SF1: variants seen among roughly 807,000 people sequenced by gnomAD.
The protein encoded by SF1 is splicing factor 1.
Under a neutral mutation model 62.5 loss-of-function variants are expected in SF1, and 7 were observed. The observed-to-expected ratio is 0.11, with a 90% CI of 0.06 to 0.21. SF1 has a LOEUF of 0.21. SF1 is among the 10% of genes least tolerant of loss of function. SF1 has a pLI of 1.00. For missense variants in SF1, 578 were observed against 884.0 expected (o/e 0.65, Z 4.39); for synonymous variants, 394 against 323.6 (o/e 1.22, Z -2.33).
intron 12 of SF1, 50 bp downstream of exon 12, chr11:64,766,850 G>GCCCCCCCCCC: frequency 4.0e-6 from 3 of 744,974 alleles, no homozygotes; most frequent in Admixed American, 2.6e-5. Flanking sequence ...GTTCCTGTCA[G>GCCCCCCCCCC]CCCCACCCCC....
chr11:64,765,847 C>T lies in SF1; in HGVS notation c.1891G>A (p.Ala631Thr), dbSNP rs777348826. Residue 631 changes from alanine to threonine, a missense_variant, in exon 13 of 13, where the codon GCT becomes ACT. Coordinates refer to ENST00000377390, the MANE Select transcript of SF1 (RefSeq NM_004630.4). ...AGMPPFGMPP[A>T]PPPPPPQN ...TTCTGTGGTGGAGGCGGTGGGGGAG[C>T]TGGAGGCATCCCGAAGGGCGGCATG... is the stretch of plus-strand genomic sequence containing the variant. The T allele has an allele frequency of 6.4e-7, 1 of 1,555,666 alleles. No homozygotes were observed. The highest frequency in any genetic ancestry group is 1.2e-5 in the South Asian group (1 of 84,572).
At chr11:64,766,785 A>G (rs2058704089) in intron 12 of SF1, 115 bp downstream of exon 12, 1 of 806,308 alleles carries the variant, frequency 1.2e-6, no homozygotes, top group Non-Finnish European at 1.8e-6. Flanking sequence ...TTACAACCCC[A>G]GCAGAGCCCA....
chr11:64,767,915 G>A, intron 9 of SF1, 71 bp from the exon 10 acceptor site: 1 of 1,567,796 alleles, frequency 6.4e-7, no homozygotes, highest in Non-Finnish European at 8.6e-7. Flanking sequence ...TTCGGGTTAT[G>A]ACACAGGACC....
At chr11:64,773,206 T>C in intron 3 of SF1, 1 of 1,352,210 alleles carries the variant, frequency 7.4e-7, no homozygotes, top group Non-Finnish European at 9.4e-7. Flanking sequence ...AGTTGTCCAT[T>C]TTCCTGTAAC....
At chr11:64,769,867 G>A in intron 5 of SF1, 97 bp downstream of exon 5, 1 of 964,672 alleles carries the variant, frequency 1.0e-6, no homozygotes, top group South Asian at 1.5e-5. Flanking sequence ...TACCAAAAAG[G>A]GGAAAAGTAA....
rs534700747 is a variant in SF1 at position 64,765,013 on chromosome 11, C to A, written c.*805G>T. On this transcript the variant is annotated 3_prime_UTR_variant, in exon 13 of 13. Coordinates refer to ENST00000377390, the MANE Select transcript of SF1 (RefSeq NM_004630.4). ...GGATCGCCAGGACGGATGGGAATCC[C>A]GAAACCTGGAGATGAACCTACCCTC... The A allele has an allele frequency of 6.5e-6, 1 of 153,168 alleles. No homozygotes were observed. The highest frequency in any genetic ancestry group is 1.5e-5 in the Non-Finnish European group (1 of 68,586). The allele number at this position is 153,168 out of a possible 1,614,324, so 9.5% of individuals were successfully genotyped here.
Position 64,767,853 on chromosome 11 carries a change from G to T in SF1, c.1069-9C>A. ...GTGGTAGACATGAGAGACTACGTGA[G>T]AGCATTTCCTGCCAACGTCCCTGCC... On this transcript the variant is annotated splice_polypyrimidine_tract_variant and intron_variant, in intron 9 of 12. Transcript: ENST00000377390. 1 of 1,605,192 alleles carries T rather than the reference G, an allele frequency of 6.2e-7. No homozygotes were observed. Among genetic ancestry groups the T allele is most frequent in the East Asian group, 2.2e-5 (1 of 44,784 alleles).
intron 2 of SF1, among the ~76,000 whole-genome samples, chr11:64,774,447 G>A (rs777068094): frequency 8.5e-5 from 13 of 152,168 alleles, no homozygotes; most frequent in Admixed American, 2.0e-4. Flanking sequence ...TTCAACATGC[G>A]GAATAACCAC....
intron 3 of SF1, chr11:64,770,628 T>A (rs972739655): frequency 4.6e-6 from 2 of 439,066 alleles, no homozygotes; most frequent in Admixed American, 3.8e-5. Flanking sequence ...AGGAAAAAAA[T>A]AAAAGATTTT....
chr11:64,771,981 C>T, intron 3 of SF1: 1 of 985,400 alleles, frequency 1.0e-6, no homozygotes, highest in Non-Finnish European at 1.2e-6. Flanking sequence ...TCCCACCCCA[C>T]AGCTGTCTAG....
intron 12 of SF1, 39 bp downstream of exon 12, chr11:64,766,861 A>AACCCCCCCC: frequency 6.3e-6 from 1 of 158,978 alleles, no homozygotes; most frequent in East Asian, 1.0e-4. Flanking sequence ...CCCCACCCCC[A>AACCCCCCCC]TCCCACCCAC....
intron 3 of SF1, chr11:64,771,368 T>G: frequency 1.3e-6 from 1 of 761,100 alleles, no homozygotes; most frequent in Non-Finnish European, 1.6e-6. Flanking sequence ...AGCTTGATAT[T>G]CTGAATGAAA....
Position 64,778,497 on chromosome 11 carries a change from G to T in SF1, c.-105C>A. 1 of 1,199,680 alleles carries T rather than the reference G, an allele frequency of 8.3e-7. No homozygotes were observed. 74.3% of individuals were successfully genotyped at this position (1,199,680 alleles called of 1,614,324 possible). A position where few individuals can be genotyped will look rare whatever the true frequency, so the allele number is the denominator to read the frequency against. On this transcript the variant is annotated 5_prime_UTR_variant, in exon 1 of 13. Coordinates refer to ENST00000377390, the MANE Select transcript of SF1 (RefSeq NM_004630.4). The stretch of plus-strand genomic sequence containing the variant: ...ACCCGAATGCGCTGCCGGAGCGCGC[G>T]GAGCCCGTCCTCTCACGCGGCGGGC...
At chr11:64,778,066 C>A in intron 1 of SF1, 2 of 993,022 alleles carry the variant, frequency 2.0e-6, no homozygotes, top group Non-Finnish European at 2.4e-6. Flanking sequence ...GCGACACGCG[C>A]TGGTAGAGCG....
At chr11:64,775,143 G>A (rs58411754) in intron 2 of SF1, among the ~76,000 whole-genome samples, 1,793 of 152,194 alleles carry the variant, frequency 0.012, 33 homozygotes, top group African/African-American at 0.039. Context: ...AGGGGAGAAG[G>A]TGAGTCTTCC....
In SF1 at chr11:64,767,734, G is replaced by GCCACCTCCGGGCCCACCAGGA. The variant is rs2058786107; in HGVS notation, c.1158_1178dup (p.Gly388_Pro394dup). 1 of 1,612,784 alleles carries GCCACCTCCGGGCCCACCAGGA rather than the reference G, an allele frequency of 6.2e-7. No homozygotes were observed. Among genetic ancestry groups the GCCACCTCCGGGCCCACCAGGA allele is most frequent in the Non-Finnish European group, 8.5e-7 (1 of 1,179,516 alleles). ...GTAATGGGTGTGGGAAGCTGTGGGG[G>GCCACCTCCGGGCCCACCAGGA]CCACCTCCGGGCCCACCAGGACCAC... On this transcript the variant is annotated inframe_insertion, in exon 10 of 13. Coordinates refer to ENST00000377390, the MANE Select transcript of SF1 (RefSeq NM_004630.4).
chr11:64,771,374 T>C (rs535406396), intron 3 of SF1: 6 of 802,192 alleles, frequency 7.5e-6, no homozygotes, highest in African/African-American at 5.6e-5. Context: ...ATATTCTGAA[T>C]GAAAATTTAG....
At position 64,767,103 on chromosome 11, in the gene SF1, T is replaced by TGAGG. The variant is rs758643096; in HGVS notation, c.1403-28_1403-25dup. The stretch of plus-strand genomic sequence containing the variant: ...ACCTGTGGACAGGTGGAGGCAAAGA[T>TGAGG]GAGGCCTCAGGGAAAGGCGGGGACT... On this transcript the variant is annotated intron_variant, in intron 11 of 12. Coordinates refer to ENST00000377390, the MANE Select transcript of SF1 (RefSeq NM_004630.4). 3.1e-5 allele frequency: 50 copies of TGAGG among 1,607,452 alleles called. 1 individual carries two copies. Among genetic ancestry groups the TGAGG allele is most frequent in the Non-Finnish European group, 4.3e-5 (50 of 1,175,716 alleles).
Position 64,765,989 on chromosome 11 carries a change from G to A in SF1, c.1749C>T (p.Pro583=). The A allele has an allele frequency of 6.2e-7, 1 of 1,604,378 alleles. No individual in the cohort carries two copies. Among genetic ancestry groups the A allele is most frequent in the Non-Finnish European group, 8.5e-7 (1 of 1,175,644 alleles). ...VQPPLPPGAP[P]PPPPPPPGSA... is the part of the protein sequence containing the mutation. ...AACCAGGCGGTGGAGGCGGCGGAGG[G>A]GGAGGGGCCCCAGGCGGCAGAGGCG... The change falls in exon 13 of 13, where the codon CCC becomes CCT. Residue 583 remains proline, a synonymous_variant. Transcript: ENST00000377390.
Sources: allele counts gnomAD v4.1 joint callset (sites outside exome capture counted in the v4.1 genomes callset), GRCh38; gene constraint gnomAD v4.1.1; transcripts MANE v1.5; gene names NCBI Gene and HGNC (gene_info 2026-07-23, HGNC 2026-07-21).